Variants in TLL1 observed in about 807,000 individuals in gnomAD.
TLL1 encodes the protein tolloid-like protein 1.
A neutral mutation model predicts 128.2 loss-of-function variants in TLL1; 49 were observed. The observed-to-expected ratio is 0.38, with a 90% CI of 0.30 to 0.48. The LOEUF is 0.48. Ranked by LOEUF, TLL1 falls within the 20% of genes least tolerant of loss-of-function variation. The pLI is 0.96. For synonymous variants in TLL1, 454 were observed against 418.8 expected, an observed-to-expected ratio of 1.08 and a Z score of -1.03; for missense variants, 1,123 against 1,242.0, an observed-to-expected ratio of 0.90 and a Z score of 1.44.
chr4:166,057,836 C>A (rs923194576), intron 14 of TLL1, among the ~76,000 whole-genome samples: 3 of 152,124 alleles, frequency 2.0e-5, no homozygotes, highest in African/African-American at 2.4e-5. Flanking sequence ...AGACTCCCCC[C>A]AACCATGATT....
In TLL1 at chr4:166,057,278, T is replaced by C. The variant is rs534493877; in HGVS notation, c.1815T>C (p.Tyr605=). The change falls in exon 14 of 21, where the codon TAT becomes TAC. Residue 605 remains tyrosine, a synonymous_variant. Coordinates refer to ENST00000061240, the MANE Select transcript of TLL1 (RefSeq NM_012464.5). Reference sequence around the variant, plus strand: ...ACCAGTGTGCCTGTGAGCCTGGCTATGAGCTGGGCCCAGACAGAAGGAGCT... The same window carrying C: ...ACCAGTGTGCCTGTGAGCCTGGCTACGAGCTGGGCCCAGACAGAAGGAGCT... ...GSYQCACEPG[Y]ELGPDRRSCE... The C allele has an allele frequency of 1.9e-6, 3 of 1,613,952 alleles. No homozygotes were observed. The highest frequency in any genetic ancestry group is 1.3e-5 in the African/African-American group (1 of 75,030).
At position 166,057,191 on chromosome 4, in the gene TLL1, T is replaced by G; in HGVS notation, c.1728T>G (p.Asp576Glu). The G allele has an allele frequency of 1.2e-6, 2 of 1,613,848 alleles. No homozygotes were observed. The highest frequency in any genetic ancestry group is 1.7e-6 in the Non-Finnish European group (2 of 1,179,908). ...GFAANFFKEE[D>E]ECAKPDRGGC... The stretch of plus-strand genomic sequence containing the variant: ...CTATGACCATTTTCATAGAGGAAGA[T>G]GAGTGTGCCAAACCTGACCGTGGAG... Residue 576 changes from aspartate to glutamate, a missense_variant, in exon 14 of 21, where the codon GAT becomes GAG. Around this residue, in one of 3 missense-constraint regions of TLL1, gnomAD observed 634 missense variants for 672.4 expected, o/e 0.94. Coordinates refer to ENST00000061240, the MANE Select transcript of TLL1 (RefSeq NM_012464.5).
At chr4:165,875,869 T>C (rs1390841143) in intron 1 of TLL1, among the ~76,000 whole-genome samples, 2 of 152,142 alleles carry the variant, frequency 1.3e-5, no homozygotes, top group African/African-American at 4.8e-5. Context: ...CCTCAGACAT[T>C]AGTGTTTAGT....
chr4:166,092,071 T>C (rs2111159169), intron 19 of TLL1, among the ~76,000 whole-genome samples: 1 of 152,174 alleles, frequency 6.6e-6, no homozygotes, highest in East Asian at 1.9e-4. Context: ...GTATATTAGC[T>C]AGTCATTTAG....
chr4:166,056,491 G>A (rs1294066361), intron 13 of TLL1, among the ~76,000 whole-genome samples: 1 of 151,860 alleles, frequency 6.6e-6, no homozygotes, highest in African/African-American at 2.4e-5. Flanking sequence ...GGAGCAAAAT[G>A]TCTATATAAG....
chr4:166,055,891 T>C (rs1005386060), intron 13 of TLL1, among the ~76,000 whole-genome samples: 7 of 152,122 alleles, frequency 4.6e-5, no homozygotes, highest in Admixed American at 1.3e-4. Flanking sequence ...TTGACACTTA[T>C]GTTGTGTGTC....
At chr4:165,964,186 A>G (rs1260319635) in intron 1 of TLL1, among the ~76,000 whole-genome samples, 1 of 152,130 alleles carries the variant, frequency 6.6e-6, no homozygotes, top group Non-Finnish European at 1.5e-5. Context: ...CTGGGTTTGA[A>G]TCTGTTCTGT....
intron 1 of TLL1, among the ~76,000 whole-genome samples, chr4:165,980,270 C>A (rs909362733): frequency 3.9e-5 from 6 of 152,042 alleles, no homozygotes; most frequent in Non-Finnish European, 8.8e-5. Context: ...TGCGCTGTCT[C>A]AGGGATGTCT....
rs1730601024 is a variant in TLL1, at chr4:165,873,863, ACCTCTGGGTCCCGTCCCCTCCTTTT to A, written c.-37_-13del. ...CATCAGCGCGGACCGCGGCTGCCTA[ACCTCTGGGTCCCGTCCCCTCCTTTT>A]CCTCCGGGGGAGGAGGATGGGGTTG... On this transcript the variant is annotated 5_prime_UTR_variant, in exon 1 of 21. Coordinates refer to ENST00000061240, the MANE Select transcript of TLL1 (RefSeq NM_012464.5). 6.2e-7 allele frequency: 1 copy of A among 1,611,142 alleles called. No individual in the cohort carries two copies. Among genetic ancestry groups the A allele is most frequent in the African/African-American group, 1.3e-5 (1 of 74,750 alleles).
At chr4:165,909,098 A>G (rs1732406252) in intron 1 of TLL1, among the ~76,000 whole-genome samples, 1 of 152,178 alleles carries the variant, frequency 6.6e-6, no homozygotes, top group South Asian at 2.1e-4. Flanking sequence ...GAGGCAGGAC[A>G]ACCACTTGAA....
At chr4:166,032,071 A>G (rs1022898867) in intron 9 of TLL1, among the ~76,000 whole-genome samples, 11 of 152,260 alleles carry the variant, frequency 7.2e-5, no homozygotes, top group South Asian at 6.2e-4. Flanking sequence ...ATTTTTCTTT[A>G]GTTATAGAGA....
At chr4:166,064,933 T>C (rs1261057169) in intron 15 of TLL1, among the ~76,000 whole-genome samples, 1 of 152,108 alleles carries the variant, frequency 6.6e-6, no homozygotes, top group African/African-American at 2.4e-5. Flanking sequence ...AATTACATAT[T>C]TATGTAATAA....
chr4:165,981,365 T>C (rs1038523217), intron 1 of TLL1, among the ~76,000 whole-genome samples: 1 of 152,092 alleles, frequency 6.6e-6, no homozygotes, highest in Non-Finnish European at 1.5e-5. Context: ...TTCAACAATC[T>C]TTTGCTGTGA....
intron 15 of TLL1, among the ~76,000 whole-genome samples, chr4:166,063,678 C>A (rs2111122958): frequency 6.6e-6 from 1 of 152,220 alleles, no homozygotes; most frequent in East Asian, 1.9e-4. Context: ...ATGATGAGTT[C>A]ATGTCCTTTG....
intron 10 of TLL1, among the ~76,000 whole-genome samples, chr4:166,039,814 GTGTTTTGTTTT>G (rs1474520274): frequency 6.6e-6 from 1 of 152,142 alleles, no homozygotes; most frequent in Non-Finnish European, 1.5e-5. Context: ...GTGTGTTTGT[GTGTTTTGTTTT>G]TGTTTTGTTG....
intron 1 of TLL1, among the ~76,000 whole-genome samples, chr4:165,976,810 C>T (rs1367652090): frequency 6.6e-6 from 1 of 152,230 alleles, no homozygotes; most frequent in Non-Finnish European, 1.5e-5. Context: ...GTAGATCAAG[C>T]ATGTCCAACC....
intron 1 of TLL1, among the ~76,000 whole-genome samples, chr4:165,971,393 A>G (rs1410864466): frequency 6.6e-6 from 1 of 152,234 alleles, no homozygotes; most frequent in African/African-American, 2.4e-5. Context: ...ATTTGATGCC[A>G]GACGTATTAC....
At chr4:165,903,118 C>T (rs1732077905) in intron 1 of TLL1, among the ~76,000 whole-genome samples, 2 of 152,082 alleles carry the variant, frequency 1.3e-5, no homozygotes, top group African/African-American at 4.8e-5. Context: ...GCACGCAGAT[C>T]ACCTGAGGTC....
intron 1 of TLL1, among the ~76,000 whole-genome samples, chr4:165,956,952 G>C (rs1462830237): frequency 6.6e-6 from 1 of 151,958 alleles, no homozygotes; most frequent in Non-Finnish European, 1.5e-5. Context: ...CTTCACAATT[G>C]CATCTACAAA....
Sources: gnomAD v4.1 joint callset for allele counts (sites outside exome capture counted in the v4.1 genomes callset) on GRCh38, gnomAD v4.1.1 for gene constraint, gnomAD v4.1.1 regional missense constraint, MANE v1.5 for transcripts, NCBI Gene and HGNC (gene_info 2026-07-23, HGNC 2026-07-21) for gene names.